Variants in CASD1 observed in about 807,000 individuals in gnomAD.
CASD1 encodes N-acetylneuraminate (7)9-O-acetyltransferase.
A neutral mutation model predicts 100.0 loss-of-function variants in CASD1; 41 were observed. That is an observed-to-expected ratio of 0.41 (90% CI 0.32 to 0.53). The LOEUF is 0.53. Ranked by LOEUF, CASD1 falls within the 20% of genes least tolerant of loss-of-function variation. The pLI, the probability that CASD1 is intolerant of heterozygous loss-of-function variation, is 0.25. For missense variants in CASD1, 774 were observed against 948.7 expected, an observed-to-expected ratio of 0.82 and a Z score of 2.42; for synonymous variants, 321 against 315.6, an observed-to-expected ratio of 1.02 and a Z score of -0.18.
Position 94,510,030 on chromosome 7 carries a change from CTGT to C in CASD1, c.-54_-52del. On this transcript the variant is annotated 5_prime_UTR_variant, in exon 1 of 18. Transcript: ENST00000297273. ...AGCGGCGGCAGCCCCAGTGCTGCCC[CTGT>C]GCGGCGCCCCTTTCCCGCTCCGCCG... The C allele has an allele frequency of 6.9e-7, 1 of 1,453,512 alleles. No individual in the cohort carries two copies. The allele number at this position is 1,453,512 out of a possible 1,614,324, so 90.0% of individuals were successfully genotyped here.
intron 9 of CASD1, among the ~76,000 whole-genome samples, chr7:94,538,517 A>G (rs985253104): frequency 1.3e-5 from 2 of 152,168 alleles, no homozygotes; most frequent in African/African-American, 4.8e-5. Flanking sequence ...TTCATTGAGA[A>G]TATACTGGGG....
At chr7:94,617,187 T>C in the CASD1 span, 1 of 152,374 alleles carries the variant, frequency 6.6e-6, no homozygotes, top group African/African-American at 2.4e-5. Context: ...TCTATATTTT[T>C]AGTAATGTTC....
intron 15 of CASD1, 56 bp from the exon 16 acceptor site, chr7:94,552,294 C>CT: frequency 8.7e-7 from 1 of 1,143,632 alleles, no homozygotes; most frequent in South Asian, 1.3e-5. Context: ...CACTGTGAGG[C>CT]TTATGCCTCT....
At chr7:94,514,397 A>G (rs1166993975) in intron 1 of CASD1, among the ~76,000 whole-genome samples, 1 of 152,142 alleles carries the variant, frequency 6.6e-6, no homozygotes, top group Admixed American at 6.5e-5. Flanking sequence ...AAAATATTCT[A>G]TGGACTATAC....
chr7:94,551,793 A>G (rs1730943172), intron 15 of CASD1: 1 of 155,780 alleles, frequency 6.4e-6, no homozygotes, highest in Non-Finnish European at 1.4e-5. Context: ...TTTTATCTAT[A>G]AAAATAGTTT....
intron 7 of CASD1, among the ~76,000 whole-genome samples, chr7:94,534,274 C>G (rs1487907036): frequency 6.6e-6 from 1 of 150,638 alleles, no homozygotes; most frequent in Non-Finnish European, 1.5e-5. Context: ...TCAAGCGATC[C>G]TTCCGCCTCA....
chr7:94,623,198 CTTA>C, the CASD1 span: 24 of 590,550 alleles, frequency 4.1e-5, no homozygotes, highest in Admixed American at 1.3e-4. Flanking sequence ...TTTTCTATAT[CTTA>C]TTATTTCATC....
chr7:94,580,725 C>T, the CASD1 span, among the ~76,000 whole-genome samples: 2 of 152,246 alleles, frequency 1.3e-5, no homozygotes. Flanking sequence ...CCAATTATTT[C>T]ACAATGCACA....
At chr7:94,606,370 T>C in the CASD1 span, among the ~76,000 whole-genome samples, 7 of 152,186 alleles carry the variant, frequency 4.6e-5, no homozygotes, top group East Asian at 1.9e-4. Flanking sequence ...AGGAAACTTA[T>C]CAGAGACAAA....
the CASD1 span, among the ~76,000 whole-genome samples, chr7:94,609,997 A>T: frequency 6.6e-6 from 1 of 152,320 alleles, no homozygotes; most frequent in South Asian, 2.1e-4. Flanking sequence ...ACCGTGGTAC[A>T]TCCAGAAAAT....
At chr7:94,569,918 A>T in the CASD1 span, among the ~76,000 whole-genome samples, 1 of 150,894 alleles carries the variant, frequency 6.6e-6, no homozygotes, top group Non-Finnish European at 1.5e-5. Context: ...GGTTCATGCT[A>T]TTCTCTTGCC....
intron 1 of CASD1, among the ~76,000 whole-genome samples, chr7:94,514,003 G>A (rs1187357315): frequency 6.6e-6 from 1 of 152,034 alleles, no homozygotes; most frequent in African/African-American, 2.4e-5. Context: ...GATTATAGGT[G>A]TCATTTCTGT....
chr7:94,619,406 A>G, the CASD1 span: 1 of 153,404 alleles, frequency 6.5e-6, no homozygotes, highest in African/African-American at 2.4e-5. Context: ...GAAAAATTAT[A>G]AAGTTCTCAT....
the CASD1 span, among the ~76,000 whole-genome samples, chr7:94,601,555 G>A: frequency 1.5e-4 from 22 of 148,954 alleles, no homozygotes; most frequent in East Asian, 4.1e-3. Context: ...TTATGCTAAG[G>A]TTTTTATTGA....
At chr7:94,592,260 A>G in the CASD1 span, among the ~76,000 whole-genome samples, 1 of 152,214 alleles carries the variant, frequency 6.6e-6, no homozygotes, top group Admixed American at 6.5e-5. Flanking sequence ...TGCTTCAGGC[A>G]TACTGGAAAA....
chr7:94,589,112 A>AC, the CASD1 span: 1 of 245,842 alleles, frequency 4.1e-6, no homozygotes, highest in South Asian at 6.0e-5. Context: ...TAACCTATAC[A>AC]CTTTCAGATC....
chr7:94,571,713 G>C, the CASD1 span, among the ~76,000 whole-genome samples: 1 of 152,092 alleles, frequency 6.6e-6, no homozygotes, highest in African/African-American at 2.4e-5. Flanking sequence ...ACAGTAAAAA[G>C]TGAGAGAAAG....
chr7:94,632,200 A>G, the CASD1 span, among the ~76,000 whole-genome samples: 1 of 152,002 alleles, frequency 6.6e-6, no homozygotes, highest in African/African-American at 2.4e-5. Context: ...ACAAAGCAAA[A>G]TGAAAGGTTG....
the CASD1 span, among the ~76,000 whole-genome samples, chr7:94,579,853 A>G: frequency 1.0e-3 from 158 of 152,286 alleles, 1 homozygote; most frequent in African/African-American, 3.7e-3. Context: ...AGGTACCTCA[A>G]GTTCACTTTG....
Sources: allele counts gnomAD v4.1 joint callset (sites outside exome capture counted in the v4.1 genomes callset), GRCh38; gene constraint gnomAD v4.1.1; transcripts MANE v1.5; gene names NCBI Gene and HGNC (gene_info 2026-07-23, HGNC 2026-07-21).